ZFP64: variants seen among roughly 807,000 people sequenced by gnomAD.
ZFP64 encodes zinc finger protein 64.
ZFP64 carries 14 observed loss-of-function variants against 51.6 expected under a neutral mutation model. The observed-to-expected ratio is 0.27, with a 90% CI of 0.18 to 0.42. The LOEUF is 0.42. Ranked by LOEUF, ZFP64 falls within the 10% of genes least tolerant of loss-of-function variation. ZFP64 has a pLI of 1.00. For missense variants in ZFP64, 754 were observed against 906.8 expected, an observed-to-expected ratio of 0.83 and a Z score of 2.16; for synonymous variants, 375 against 361.4, an observed-to-expected ratio of 1.04 and a Z score of -0.43.
chr20:52,090,412 A>G (rs2078910409), intron 7 of ZFP64, among the ~76,000 whole-genome samples: 1 of 152,222 alleles, frequency 6.6e-6, no homozygotes, highest in Admixed American at 6.5e-5. Context: ...AGAAAAAAAA[A>G]TAAGGGTGAT....
intron 5 of ZFP64, among the ~76,000 whole-genome samples, chr20:52,158,039 T>C (rs1981466598): frequency 6.6e-6 from 1 of 152,232 alleles, no homozygotes; most frequent in African/African-American, 2.4e-5. Flanking sequence ...ACAGTGTATA[T>C]GTGCCACATT....
chr20:52,107,121 C>CAA (rs1978327362), intron 5 of ZFP64, among the ~76,000 whole-genome samples: 1 of 90,886 alleles, frequency 1.1e-5, no homozygotes, highest in African/African-American at 4.5e-5. Flanking sequence ...TATATACACA[C>CAA]ACGTTTATCA....
intron 2 of ZFP64, among the ~76,000 whole-genome samples, chr20:52,167,209 C>T (rs953831248): frequency 6.6e-6 from 1 of 151,866 alleles, no homozygotes; most frequent in Non-Finnish European, 1.5e-5. Context: ...CCTGAAATCT[C>T]AGCTACTCTG....
At chr20:52,112,089 AAAAAAAAAAAAC>A (rs1160191694) in intron 5 of ZFP64, among the ~76,000 whole-genome samples, 3 of 137,914 alleles carry the variant, frequency 2.2e-5, no homozygotes, top group Non-Finnish European at 4.7e-5. Context: ...CTCCAAAAAA[AAAAAAAAAAAAC>A]AAAAAAAAAA....
At chr20:52,120,321 C>T (rs1600725708) in intron 5 of ZFP64, among the ~76,000 whole-genome samples, 1 of 152,160 alleles carries the variant, frequency 6.6e-6, no homozygotes, top group Non-Finnish European at 1.5e-5. Flanking sequence ...TGTTAAACCT[C>T]AGACACATCC....
chr20:52,124,899 C>A (rs779149184), intron 5 of ZFP64, among the ~76,000 whole-genome samples: 2 of 152,044 alleles, frequency 1.3e-5, no homozygotes, highest in African/African-American at 4.8e-5. Flanking sequence ...CCACCATGCC[C>A]GGCCTAAACA....
chr20:52,172,686 G>A lies in ZFP64; in HGVS notation c.287-6661C>T, dbSNP rs1244245405. ...CCTCTTTTCACCGAGAATGCAGCAC[G>A]GGCCACCTCTTTATGTGGGGGTCTT... On this transcript the variant is annotated intron_variant, in intron 2 of 5. Transcript: ENST00000216923. 4.6e-5 allele frequency among the ~76,000 whole-genome samples: 7 copies of A among 151,584 alleles called. No homozygotes were observed. In the South Asian group the frequency reaches 6.3e-4, roughly 14 times the overall value.
intron 5 of ZFP64, among the ~76,000 whole-genome samples, chr20:52,125,857 C>A (rs1330937249): frequency 6.6e-6 from 1 of 152,038 alleles, no homozygotes; most frequent in African/African-American, 2.4e-5. Context: ...CTACTGTGTG[C>A]GAGGTACTTA....
intron 5 of ZFP64, among the ~76,000 whole-genome samples, chr20:52,121,189 T>G (rs1015152422): frequency 6.6e-6 from 1 of 152,148 alleles, no homozygotes; most frequent in Non-Finnish European, 1.5e-5. Flanking sequence ...CAGTGACCTA[T>G]AAGTGTTCAT....
intron 7 of ZFP64, among the ~76,000 whole-genome samples, chr20:52,090,789 ATTT>A (rs34728955): frequency 2.4e-4 from 32 of 132,406 alleles, no homozygotes; most frequent in Admixed American, 3.8e-4. Context: ...ACAGAGCAAG[ATTT>A]TTTTTTTTTT....
chr20:52,102,853 G>A (rs1445475729), intron 5 of ZFP64, among the ~76,000 whole-genome samples: 1 of 152,222 alleles, frequency 6.6e-6, no homozygotes, highest in Non-Finnish European at 1.5e-5. Context: ...AGAACCTCAT[G>A]TATTAGTCAA....
intron 5 of ZFP64, among the ~76,000 whole-genome samples, chr20:52,098,845 T>C (rs150194262): frequency 0.03 from 4,592 of 151,694 alleles, 235 homozygotes; most frequent in African/African-American, 0.1. Context: ...CTACTAAAAA[T>C]ACAAGAATCA....
intron 3 of ZFP64, 191 bp from the exon 4 acceptor site, chr20:52,164,948 T>A (rs1308829026): frequency 2.9e-6 from 2 of 689,064 alleles, no homozygotes; most frequent in East Asian, 5.6e-5. Flanking sequence ...CTGCCAAAAC[T>A]GCATAACCTG....
chr20:52,143,303 T>G lies in ZFP64; in HGVS notation c.763+16820A>C, dbSNP rs1219505471. Among the ~76,000 whole-genome samples the G allele has an allele frequency of 4.9e-5, 7 of 142,062 alleles. 3 individuals carry two copies. The highest frequency in any genetic ancestry group is 7.8e-5 in the Non-Finnish European group (5 of 64,042). The allele number at this position is 142,062 out of a possible 152,430, so 93.2% of individuals were successfully genotyped here. A position where few individuals can be genotyped will look rare whatever the true frequency, so the allele number is the denominator to read the frequency against. On this transcript the variant is annotated intron_variant, in intron 5 of 8. Coordinates refer to the ZFP64 transcript ENST00000361387. ...ATATAACCCCTGGATTCTGGCCCTATCCCCTTTAAAGCAACCAACTAACCA... is the reference window on the plus strand; with the variant it reads ...ATATAACCCCTGGATTCTGGCCCTAGCCCCTTTAAAGCAACCAACTAACCA...
rs368866981 is a variant in ZFP64 at position 52,104,108 on chromosome 20, G to A, written c.764-5521C>T. On this transcript the variant is annotated intron_variant, in intron 5 of 8. Transcript: ENST00000361387. Reference sequence around the variant, plus strand: ...TCAGCCCCTTAAAGGAAAGGTATCAGCTAACCACGGGGAGCTGGCAGCCTA... The same window carrying A: ...TCAGCCCCTTAAAGGAAAGGTATCAACTAACCACGGGGAGCTGGCAGCCTA... 1.2e-3 allele frequency among the ~76,000 whole-genome samples: 181 copies of A among 152,316 alleles called. 1 individual carries two copies. The highest frequency in any genetic ancestry group is 4.1e-3 in the African/African-American group (171 of 41,580).
intron 5 of ZFP64, chr20:52,110,310 C>G (rs577717659): frequency 7.5e-4 from 338 of 449,606 alleles, no homozygotes; most frequent in African/African-American, 6.5e-3. Context: ...CCTCCCCACC[C>G]CTACCAAACC....
chr20:52,182,397 C>T (rs910732164), intron 2 of ZFP64, among the ~76,000 whole-genome samples: 1 of 152,098 alleles, frequency 6.6e-6, no homozygotes, highest in Non-Finnish European at 1.5e-5. Flanking sequence ...CGTGTAAATG[C>T]TAAGAGGAGG....
intron 5 of ZFP64, among the ~76,000 whole-genome samples, chr20:52,154,898 T>C (rs1460809504): frequency 1.3e-5 from 2 of 152,178 alleles, no homozygotes; most frequent in East Asian, 3.8e-4. Context: ...AAATATTTAC[T>C]ATCTGGCCCT....
At chr20:52,097,630 T>G (rs533532452) in intron 6 of ZFP64, among the ~76,000 whole-genome samples, 2 of 152,116 alleles carry the variant, frequency 1.3e-5, no homozygotes, top group East Asian at 3.9e-4. Flanking sequence ...AATTTTTGTA[T>G]TTTTGATAGA....
Sources: gnomAD v4.1 joint callset for allele counts (sites outside exome capture counted in the v4.1 genomes callset) on GRCh38, gnomAD v4.1.1 for gene constraint, MANE v1.5 for transcripts, NCBI Gene and HGNC (gene_info 2026-07-23, HGNC 2026-07-21) for gene names.